The following BMP2K variants were observed in gnomAD, a reference collection of about 807,000 sequenced individuals.
The protein encoded by BMP2K is BMP-2-inducible protein kinase.
BMP2K carries 74 observed loss-of-function variants against 116.0 expected under a neutral mutation model. The ratio of observed to expected loss-of-function variants is 0.64; its 90% CI spans 0.53 to 0.77. The LOEUF (loss-of-function observed/expected upper bound fraction) is 0.77, where lower values mean the gene tolerates loss of function less well. Among genes scored for constraint, BMP2K ranks in the 30% least tolerant of loss-of-function variants. The pLI, the probability that BMP2K is intolerant of heterozygous loss-of-function variation, is 0.00. For missense variants in BMP2K, 1,365 were observed against 1,403.6 expected (o/e 0.97, Z 0.44); for synonymous variants, 486 against 502.5 (o/e 0.97, Z 0.44).
At chr4:78,837,993 CGCT>C (rs1560522792) in intron 3 of BMP2K, among the ~76,000 whole-genome samples, 1 of 151,972 alleles carries the variant, frequency 6.6e-6, no homozygotes, top group African/African-American at 2.4e-5. Context: ...TCCATTTTCA[CGCT>C]GCTGATAAAG....
chr4:78,843,415 C>A (rs1374278435), intron 4 of BMP2K, among the ~76,000 whole-genome samples: 1 of 151,082 alleles, frequency 6.6e-6, no homozygotes, highest in Non-Finnish European at 1.5e-5. Flanking sequence ...TCCATGAGGG[C>A]CAGGACTTTT....
At position 78,911,787 on chromosome 4, in the gene BMP2K, A is replaced by T; in HGVS notation, c.3240A>T (p.Ser1080=). 1.2e-6 allele frequency: 2 copies of T among 1,613,984 alleles called. No homozygotes were observed. The highest frequency in any genetic ancestry group is 1.7e-6 in the Non-Finnish European group (2 of 1,179,884). ...GAKPFHSPDL[S]WHPPHQGLSD... ...AGCCCTTCCATTCTCCAGACCTGTC[A>T]TGGCACCCTCCACATCAGGGCCTGA... The change falls in exon 16 of 16, where the codon TCA becomes TCT. Residue 1080 remains serine (S), a synonymous_variant. Coordinates refer to ENST00000502613, the MANE Select transcript of BMP2K (RefSeq NM_198892.2).
intron 1 of BMP2K, 97 bp from the exon 2 acceptor site, chr4:78,825,940 A>G: frequency 1.1e-6 from 1 of 928,078 alleles, no homozygotes; most frequent in Non-Finnish European, 1.7e-6. Context: ...GGGTACAATC[A>G]TTGTTTATTT....
intron 13 of BMP2K, 78 bp downstream of exon 13, chr4:78,872,876 C>A: frequency 1.4e-6 from 2 of 1,408,544 alleles, no homozygotes; most frequent in South Asian, 1.3e-5. Flanking sequence ...TCATTAAGTT[C>A]TCTTAAATTA....
chr4:78,858,268 A>T (rs2110042185), intron 7 of BMP2K, among the ~76,000 whole-genome samples: 1 of 152,062 alleles, frequency 6.6e-6, no homozygotes, highest in East Asian at 1.9e-4. Context: ...TACGTTAAAA[A>T]CATTTAATAT....
intron 1 of BMP2K, among the ~76,000 whole-genome samples, chr4:78,817,195 A>C (rs1271650890): frequency 1.3e-5 from 2 of 152,240 alleles, no homozygotes; most frequent in African/African-American, 4.8e-5. Context: ...CTGTGTTCCA[A>C]AAACAATTCT....
In BMP2K at chr4:78,911,023, A is replaced by G. The variant is rs1018049030; in HGVS notation, c.2476A>G (p.Ser826Gly). 1.2e-6 allele frequency: 2 copies of G among 1,613,768 alleles called. No homozygotes were observed. Among genetic ancestry groups the G allele is most frequent in the Admixed American group, 3.3e-5 (2 of 60,014 alleles). ...CTCTGTCTACAGAGACAGATCTGGCAGTGGACCAACCCAAGATCTTAATAC... is the reference window on the plus strand; with the variant it reads ...CTCTGTCTACAGAGACAGATCTGGCGGTGGACCAACCCAAGATCTTAATAC... ...MSSVYRDRSG[S>G]GPTQDLNTIL... The change falls in exon 16 of 16, where the codon AGT becomes GGT. Residue 826 changes from serine (S) to glycine (G), a missense_variant. By Grantham distance (56) the Ser-to-Gly change is moderately conservative (BLOSUM62 0). Around this residue, in one of 3 missense-constraint regions of BMP2K, gnomAD observed 596 missense variants for 623.2 expected, o/e 0.96. Coordinates refer to ENST00000502613, the MANE Select transcript of BMP2K (RefSeq NM_198892.2).
chr4:78,818,417 C>T (rs1460926751), intron 1 of BMP2K, among the ~76,000 whole-genome samples: 2 of 152,212 alleles, frequency 1.3e-5, no homozygotes, highest in Non-Finnish European at 2.9e-5. Flanking sequence ...ACATCCTCTC[C>T]AGCATCTGTT....
chr4:78,779,933 T>C (rs866692955), intron 1 of BMP2K, among the ~76,000 whole-genome samples: 1 of 152,104 alleles, frequency 6.6e-6, no homozygotes, highest in Non-Finnish European at 1.5e-5. Flanking sequence ...CTCAAAAACA[T>C]GTTTAGGAGT....
At chr4:78,818,425 G>A (rs1351655889) in intron 1 of BMP2K, among the ~76,000 whole-genome samples, 1 of 152,186 alleles carries the variant, frequency 6.6e-6, no homozygotes, top group Admixed American at 6.5e-5. Context: ...TCCAGCATCT[G>A]TTGTTTCCTG....
intron 15 of BMP2K, among the ~76,000 whole-genome samples, chr4:78,910,123 A>G (rs1305724280): frequency 2.6e-5 from 4 of 152,234 alleles, no homozygotes; most frequent in Admixed American, 2.6e-4. Context: ...TTTATAAAAA[A>G]TACAATGCTG....
Position 78,913,289 on chromosome 4 carries a change from G to T in BMP2K, c.*1256G>T, listed in dbSNP as rs907572036. The T allele has an allele frequency of 6.6e-6, 1 of 152,210 alleles. No individual in the cohort carries two copies. The highest frequency in any genetic ancestry group is 1.9e-4 in the East Asian group (1 of 5,182). 9.4% of individuals were successfully genotyped at this position (152,210 alleles called of 1,614,324 possible). A position where few individuals can be genotyped will look rare whatever the true frequency, so the allele number is the denominator to read the frequency against. On this transcript the variant is annotated 3_prime_UTR_variant, in exon 16 of 16. Transcript: ENST00000502613. ...TAAGGTGGACTAGCATCTTAATTCT[G>T]CTAGTTGATTGTGTCTTTACTGAAA... is the stretch of plus-strand genomic sequence containing the variant.
intron 14 of BMP2K, among the ~76,000 whole-genome samples, chr4:78,884,179 T>C (rs953202287): frequency 6.6e-6 from 1 of 151,930 alleles, no homozygotes; most frequent in East Asian, 1.9e-4. Flanking sequence ...AATAAAAAAT[T>C]AGCTGAACGT....
intron 1 of BMP2K, among the ~76,000 whole-genome samples, chr4:78,788,302 A>T (rs1371639738): frequency 6.6e-6 from 1 of 151,506 alleles, no homozygotes; most frequent in Admixed American, 6.6e-5. Flanking sequence ...TAGGCTTTTG[A>T]TGGTGTCTTC....
At chr4:78,801,208 A>G (rs1489307791) in intron 1 of BMP2K, among the ~76,000 whole-genome samples, 1 of 152,116 alleles carries the variant, frequency 6.6e-6, no homozygotes, top group Admixed American at 6.6e-5. Flanking sequence ...TTAGATTTTT[A>G]CAAACCTGAA....
intron 1 of BMP2K, among the ~76,000 whole-genome samples, chr4:78,802,092 A>T (rs1160547672): frequency 2.0e-5 from 3 of 152,226 alleles, no homozygotes; most frequent in African/African-American, 7.2e-5. Context: ...TTTGCTCGAT[A>T]TAGACTTCTC....
At chr4:78,796,445 G>A (rs1453631035) in intron 1 of BMP2K, among the ~76,000 whole-genome samples, 2 of 151,438 alleles carry the variant, frequency 1.3e-5, no homozygotes, top group African/African-American at 2.4e-5. Flanking sequence ...TAGATGACGA[G>A]TTAGTGGGTG....
intron 1 of BMP2K, among the ~76,000 whole-genome samples, chr4:78,790,014 C>T (rs549781802): frequency 3.3e-5 from 5 of 152,232 alleles, no homozygotes; most frequent in African/African-American, 9.6e-5. Flanking sequence ...AAAGAAAACA[C>T]GATTCTTCTA....
At chr4:78,800,794 G>T (rs887024834) in intron 1 of BMP2K, among the ~76,000 whole-genome samples, 2 of 152,004 alleles carry the variant, frequency 1.3e-5, no homozygotes, top group Non-Finnish European at 2.9e-5. Flanking sequence ...GAATTGCTTT[G>T]TTTGTATACA....
Sources: allele counts gnomAD v4.1 joint callset (sites outside exome capture counted in the v4.1 genomes callset), GRCh38; gene constraint gnomAD v4.1.1; regional missense constraint gnomAD v4.1.1; transcripts MANE v1.5; gene names NCBI Gene and HGNC (gene_info 2026-07-23, HGNC 2026-07-21).